Variants in MDFIC2 observed in about 807,000 individuals in gnomAD.
MDFIC2 encodes the protein myoD family inhibitor domain-containing protein 2.
At chr3:70,263,873 T>C (rs1314075551) in intron 2 of MDFIC2, among the ~76,000 whole-genome samples, 1 of 152,146 alleles carries the variant, frequency 6.6e-6, no homozygotes, top group African/African-American at 2.4e-5. Flanking sequence ...CTTTGTTTCC[T>C]TTCTCTCGGG....
intron 2 of MDFIC2, among the ~76,000 whole-genome samples, chr3:70,217,104 C>T (rs1412495376): frequency 6.6e-6 from 1 of 151,960 alleles, no homozygotes. Flanking sequence ...CATGTATTTC[C>T]CACCCTTGAC....
At chr3:70,230,015 T>G (rs533502042) in intron 2 of MDFIC2, among the ~76,000 whole-genome samples, 1 of 152,302 alleles carries the variant, frequency 6.6e-6, no homozygotes, top group South Asian at 2.1e-4. Context: ...TTATCTAATT[T>G]TATCATATTA....
intron 2 of MDFIC2, among the ~76,000 whole-genome samples, chr3:70,282,208 AG>A (rs1702092486): frequency 6.6e-6 from 1 of 152,146 alleles, no homozygotes. Flanking sequence ...CTTTCCTGGC[AG>A]TATTTGCTGT....
intron 2 of MDFIC2, among the ~76,000 whole-genome samples, chr3:70,212,060 G>C (rs1054854991): frequency 6.6e-6 from 1 of 151,856 alleles, no homozygotes; most frequent in Non-Finnish European, 1.5e-5. Context: ...GCCCTTGAAG[G>C]CCGTATTTGT....
chr3:70,279,211 G>A (rs1702056950), intron 2 of MDFIC2, among the ~76,000 whole-genome samples: 1 of 151,552 alleles, frequency 6.6e-6, no homozygotes, highest in South Asian at 2.1e-4. Context: ...TGCTTTGCAT[G>A]TAGTGTTTCA....
intron 2 of MDFIC2, among the ~76,000 whole-genome samples, chr3:70,275,545 A>G (rs1702016390): frequency 6.6e-6 from 1 of 152,026 alleles, no homozygotes; most frequent in Non-Finnish European, 1.5e-5. Flanking sequence ...AATCAAATCA[A>G]AAAAACAAAG....
chr3:70,285,321 T>G (rs1329019881), intron 2 of MDFIC2, among the ~76,000 whole-genome samples: 102 of 151,320 alleles, frequency 6.7e-4, no homozygotes, highest in African/African-American at 2.4e-3. Context: ...GGTTTTTTGT[T>G]CTTGCGATAG....
At chr3:70,310,090 G>C (rs939858644) in intron 2 of MDFIC2, among the ~76,000 whole-genome samples, 3 of 151,820 alleles carry the variant, frequency 2.0e-5, no homozygotes, top group African/African-American at 7.3e-5. Context: ...AAAACACAGG[G>C]GCTCTTTGAT....
chr3:70,246,323 A>C (rs1335808066), intron 2 of MDFIC2, among the ~76,000 whole-genome samples: 1 of 152,086 alleles, frequency 6.6e-6, no homozygotes, highest in Non-Finnish European at 1.5e-5. Context: ...GTTTGAACGT[A>C]AGCTGGAAAG....
chr3:70,240,478 G>T (rs148126162), intron 2 of MDFIC2, among the ~76,000 whole-genome samples: 28 of 152,048 alleles, frequency 1.8e-4, no homozygotes, highest in African/African-American at 6.0e-4. Flanking sequence ...TTTGGAAGTT[G>T]GACCCTAACT....
intron 2 of MDFIC2, among the ~76,000 whole-genome samples, chr3:70,241,965 A>G (rs535403685): frequency 5.6e-4 from 86 of 152,300 alleles, no homozygotes; most frequent in African/African-American, 2.0e-3. Context: ...TTAGGCCCTT[A>G]GAGTTTATTA....
At chr3:70,240,861 C>T (rs1701660737) in intron 2 of MDFIC2, among the ~76,000 whole-genome samples, 1 of 151,916 alleles carries the variant, frequency 6.6e-6, no homozygotes, top group Non-Finnish European at 1.5e-5. Context: ...AATATAGGCC[C>T]ATAAGATGAC....
chr3:70,296,115 G>C (rs1219066075), intron 2 of MDFIC2, among the ~76,000 whole-genome samples: 4 of 151,890 alleles, frequency 2.6e-5, no homozygotes. Flanking sequence ...GTAGGGAAAG[G>C]GTGAAAGCCT....
At chr3:70,282,268 A>C (rs11928464) in intron 2 of MDFIC2, among the ~76,000 whole-genome samples, 148,138 of 152,168 alleles carry the variant, frequency 0.97, 72,126 homozygotes, top group East Asian at 1. Flanking sequence ...TAGAAGGAAC[A>C]CCTGGTGTTT....
chr3:70,289,276 A>G (rs980085867), intron 2 of MDFIC2, among the ~76,000 whole-genome samples: 3 of 150,402 alleles, frequency 2.0e-5, no homozygotes. Context: ...ATCTCTCAGC[A>G]TTTGCTTGTC....
intron 3 of MDFIC2, among the ~76,000 whole-genome samples, 176 bp downstream of exon 3, chr3:70,206,393 G>A (rs937968895): frequency 5.3e-5 from 8 of 152,010 alleles, no homozygotes; most frequent in African/African-American, 1.4e-4. Flanking sequence ...TCTGCCAAGC[G>A]CCTCATAACT....
At chr3:70,274,056 C>CGTGTGTGT (rs111792704) in intron 2 of MDFIC2, among the ~76,000 whole-genome samples, 3,438 of 142,896 alleles carry the variant, frequency 0.024, 43 homozygotes, top group Non-Finnish European at 0.027. Context: ...ATTAAACCTC[C>CGTGTGTGT]GTGTGTGTGT....
intron 2 of MDFIC2, among the ~76,000 whole-genome samples, chr3:70,243,769 A>C (rs1457250523): frequency 6.6e-6 from 1 of 152,206 alleles, no homozygotes; most frequent in Non-Finnish European, 1.5e-5. Context: ...CAAGGCTGGC[A>C]TGATGTAAAG....
At chr3:70,306,867 C>G (rs1702406129) in intron 2 of MDFIC2, among the ~76,000 whole-genome samples, 2 of 152,020 alleles carry the variant, frequency 1.3e-5, no homozygotes, top group Admixed American at 6.5e-5. Context: ...TGATTGGTGT[C>G]TTGACTTTGC....
Sources: allele counts gnomAD v4.1 joint callset (sites outside exome capture counted in the v4.1 genomes callset), GRCh38; gene constraint gnomAD v4.1.1; transcripts MANE v1.5; gene names NCBI Gene and HGNC (gene_info 2026-07-23, HGNC 2026-07-21).